ZNF519: variants seen among roughly 807,000 people sequenced by gnomAD.
The protein encoded by ZNF519 is zinc finger protein 519.
In ZNF519, 7 loss-of-function variants were observed where a neutral mutation model predicts 7.4. That is an observed-to-expected ratio of 0.94 (90% CI 0.54 to 1.77). The LOEUF is 1.77. ZNF519 is among the 40% of genes most tolerant of loss of function. The probability of loss-of-function intolerance (pLI) is 0.00; values close to 1 mark genes in which losing one functional copy is unlikely to be tolerated. For synonymous variants in ZNF519, 179 were observed against 203.3 expected (o/e 0.88, Z 1.02); for missense variants, 586 against 623.1 (o/e 0.94, Z 0.63).
intron 1 of ZNF519, among the ~76,000 whole-genome samples, chr18:14,129,320 T>G (rs2046318039): frequency 1.3e-5 from 2 of 152,124 alleles, no homozygotes; most frequent in Admixed American, 1.3e-4. Flanking sequence ...TGAGCACAAT[T>G]CCTGAGGGTA....
In ZNF519 at chr18:14,101,483, C is replaced by T. The variant is rs2046160890; in HGVS notation, c.*3434G>A. The T allele has an allele frequency of 2.5e-6, 1 of 395,548 alleles. No homozygotes were observed. Among genetic ancestry groups the T allele is most frequent in the East Asian group, 3.6e-5 (1 of 27,926 alleles). The allele number at this position is 395,548 out of a possible 1,614,324, so 24.5% of individuals were successfully genotyped here. On this transcript the variant is annotated 3_prime_UTR_variant, in exon 3 of 3. Coordinates refer to ENST00000590202, the MANE Select transcript of ZNF519 (RefSeq NM_145287.4). Reference sequence around the variant, plus strand: ...TGTGAAAGCCGATTGTACACCTGAACAGTGCTGGGGTGAAATGGTGGGGCT... The same window carrying T: ...TGTGAAAGCCGATTGTACACCTGAATAGTGCTGGGGTGAAATGGTGGGGCT...
intron 2 of ZNF519, among the ~76,000 whole-genome samples, chr18:14,119,681 G>T (rs1450955998): frequency 3.9e-5 from 6 of 152,032 alleles, no homozygotes; most frequent in Non-Finnish European, 8.8e-5. Context: ...ACCTCAAACT[G>T]CTGGGCTCAA....
chr18:14,101,874 G>A lies in ZNF519; in HGVS notation c.*3043C>T. On this transcript the variant is annotated 3_prime_UTR_variant, in exon 3 of 3. Coordinates refer to ENST00000590202, the MANE Select transcript of ZNF519 (RefSeq NM_145287.4). ...CTTTCCATTCCCCAAATCAGGCACAGACCAGAGTCTACATAAACCTCCTGC... is the reference window on the plus strand; with the variant it reads ...CTTTCCATTCCCCAAATCAGGCACAAACCAGAGTCTACATAAACCTCCTGC... 2.5e-6 allele frequency: 1 copy of A among 397,082 alleles called. No individual in the cohort carries two copies. The highest frequency in any genetic ancestry group is 4.4e-6 in the Non-Finnish European group (1 of 225,580). The allele number at this position is 397,082 out of a possible 1,614,324, so 24.6% of individuals were successfully genotyped here.
At chr18:14,090,404 G>A (rs17536123) in intron 2 of ZNF519, 26,324 of 152,122 alleles carry the variant, frequency 0.17, 2,799 homozygotes, top group Middle Eastern at 0.25. Flanking sequence ...AAATGAAGAC[G>A]GAGAAATACA....
chr18:14,076,662 A>G (rs1026941858), exon 5 of ZNF519: 6 of 152,216 alleles, frequency 3.9e-5, no homozygotes, highest in African/African-American at 1.2e-4. Context: ...TATTCACGGA[A>G]TCAATTTAAA....
downstream of ZNF519, chr18:14,074,476 G>C (rs2046040242): frequency 6.5e-6 from 1 of 154,152 alleles, no homozygotes; most frequent in Admixed American, 6.5e-5. Flanking sequence ...TTTAAAAAAT[G>C]AATGCCTTTA....
chr18:14,089,504 G>A (rs980591872), intron 2 of ZNF519, among the ~76,000 whole-genome samples: 5 of 152,106 alleles, frequency 3.3e-5, no homozygotes, highest in African/African-American at 1.2e-4. Flanking sequence ...GAGTAAAAGA[G>A]GTAGACATCA....
chr18:14,120,052 T>G (rs2046263312), intron 2 of ZNF519, among the ~76,000 whole-genome samples: 1 of 152,110 alleles, frequency 6.6e-6, no homozygotes, highest in Non-Finnish European at 1.5e-5. Flanking sequence ...AAAATAAAAT[T>G]GTAAAATTTA....
intron 2 of ZNF519, chr18:14,121,772 CAT>C (rs1412299272): frequency 1.3e-5 from 2 of 152,092 alleles, no homozygotes; most frequent in Non-Finnish European, 2.9e-5. Flanking sequence ...CACATTTATA[CAT>C]ATAGATATAT....
chr18:14,120,299 A>G (rs1006434933), intron 2 of ZNF519, among the ~76,000 whole-genome samples: 1 of 152,218 alleles, frequency 6.6e-6, no homozygotes, highest in African/African-American at 2.4e-5. Context: ...CAATGCAGAA[A>G]GTATAGTCTT....
At chr18:14,108,583 C>T (rs926972377) in intron 2 of ZNF519, among the ~76,000 whole-genome samples, 5 of 151,602 alleles carry the variant, frequency 3.3e-5, no homozygotes, top group African/African-American at 1.2e-4. Flanking sequence ...ACTAAACTCT[C>T]CAATCAAAAG....
chr18:14,122,428 C>T (rs1249327007), intron 2 of ZNF519: 1 of 152,122 alleles, frequency 6.6e-6, no homozygotes, highest in East Asian at 1.9e-4. Context: ...ACTCACCTTA[C>T]ACATTTTAGA....
chr18:14,072,296 G>A (rs574372259), downstream of ZNF519: 16 of 152,138 alleles, frequency 1.1e-4, no homozygotes, highest in South Asian at 1.0e-3. Context: ...AGATATTATC[G>A]TTGCCTGTGT....
intron 2 of ZNF519, among the ~76,000 whole-genome samples, chr18:14,115,104 T>C (rs552769691): frequency 2.2e-4 from 33 of 152,362 alleles, no homozygotes; most frequent in African/African-American, 4.1e-4. Context: ...GAATTTGTAC[T>C]ACTTCAGTTG....
At chr18:14,128,238 C>T (rs1017466279) in intron 1 of ZNF519, among the ~76,000 whole-genome samples, 9 of 151,904 alleles carry the variant, frequency 5.9e-5, no homozygotes, top group South Asian at 2.1e-4. Context: ...GCTTGCAGTG[C>T]GCCGAGATCG....
intron 1 of ZNF519, among the ~76,000 whole-genome samples, chr18:14,130,735 G>A (rs991847991): frequency 5.0e-4 from 76 of 151,474 alleles, no homozygotes; most frequent in African/African-American, 1.4e-3. Flanking sequence ...CTCTCCCTTC[G>A]CAAATATAAG....
intron 3 of ZNF519, among the ~76,000 whole-genome samples, chr18:14,083,636 G>A (rs11872961): frequency 0.011 from 1,678 of 152,140 alleles, 31 homozygotes; most frequent in African/African-American, 0.039. Flanking sequence ...AGGGCCAGGT[G>A]CAGAGGCTCA....
chr18:14,109,043 G>A (rs2046208599), intron 2 of ZNF519, among the ~76,000 whole-genome samples: 1 of 151,868 alleles, frequency 6.6e-6, no homozygotes, highest in Non-Finnish European at 1.5e-5. Flanking sequence ...GGAGGCAGAG[G>A]TTGCAGGGAG....
intron 2 of ZNF519, among the ~76,000 whole-genome samples, chr18:14,087,438 A>G (rs1168855431): frequency 6.6e-6 from 1 of 152,166 alleles, no homozygotes; most frequent in Non-Finnish European, 1.5e-5. Flanking sequence ...GAATGTGAAA[A>G]TTTTATAAAA....
Sources: gnomAD v4.1 joint callset for allele counts (sites outside exome capture counted in the v4.1 genomes callset) on GRCh38, gnomAD v4.1.1 for gene constraint, MANE v1.5 for transcripts, NCBI Gene and HGNC (gene_info 2026-07-23, HGNC 2026-07-21) for gene names.